Variants in KIRREL3 observed in about 807,000 individuals in gnomAD.
KIRREL3 encodes kirre like nephrin family adhesion molecule 3.
A neutral mutation model predicts 89.7 loss-of-function variants in KIRREL3; 36 were observed. The observed-to-expected ratio is 0.40, with a 90% CI of 0.31 to 0.53. The LOEUF (loss-of-function observed/expected upper bound fraction) is 0.53. Ranked by LOEUF, KIRREL3 falls within the 20% of genes least tolerant of loss-of-function variation. The probability of loss-of-function intolerance (pLI) is 0.49; values close to 1 mark genes in which losing one functional copy is unlikely to be tolerated. For synonymous variants in KIRREL3, 445 were observed against 441.4 expected (o/e 1.01, Z -0.10); for missense variants, 864 against 1,056.6 (o/e 0.82, Z 2.53).
At position 126,710,074 on chromosome 11, in the gene KIRREL3, A is replaced by C. The variant is rs137977623; in HGVS notation, c.56-147162T>G. On this transcript the variant is annotated intron_variant, in intron 1 of 16. Coordinates refer to ENST00000525144, the MANE Select transcript of KIRREL3 (RefSeq NM_032531.4). The surrounding 1 kb of genome is among the most constrained non-coding windows in gnomAD (Gnocchi z 4.2). ...GTGGAAAGAAATGTCCCTAGGAGAC[A>C]CACATAATGAGTATCAAGTCTGGCA... Among the ~76,000 whole-genome samples, 2 of 152,364 alleles carry C rather than the reference A, an allele frequency of 1.3e-5. No homozygotes were observed. The highest frequency in any genetic ancestry group is 2.9e-5 in the Non-Finnish European group (2 of 68,032).
chr11:126,904,377 T>A lies in KIRREL3; in HGVS notation c.55+96078A>T, dbSNP rs970455380. Among the ~76,000 whole-genome samples the A allele has an allele frequency of 6.6e-6, 1 of 152,242 alleles. No individual in the cohort carries two copies. Among genetic ancestry groups the A allele is most frequent in the African/African-American group, 2.4e-5 (1 of 41,462 alleles). On this transcript the variant is annotated intron_variant, in intron 1 of 16. Coordinates refer to ENST00000525144, the MANE Select transcript of KIRREL3 (RefSeq NM_032531.4). The surrounding 1 kb of genome is among the most constrained non-coding windows in gnomAD (Gnocchi z 4.4). ...CATTGCTAGTTAAATTGGGTCTTGA[T>A]GTTTACTGCATCTCTGACTGCAATA...
chr11:126,522,655 G>A lies in KIRREL3; in HGVS notation c.284-1191C>T, dbSNP rs1958633526. ...AAGTTGTGGCTGGCCACCTTAGGCA[G>A]ATCCTCTCTTTCCTGGGTCTCGGGC... On this transcript the variant is annotated intron_variant, in intron 3 of 16. Coordinates refer to ENST00000525144, the MANE Select transcript of KIRREL3 (RefSeq NM_032531.4). The surrounding 1 kb of genome is among the most constrained non-coding windows in gnomAD (Gnocchi z 6.0). Among the ~76,000 whole-genome samples, 1 of 152,218 alleles carries A rather than the reference G, an allele frequency of 6.6e-6. No individual in the cohort carries two copies. Among genetic ancestry groups the A allele is most frequent in the Non-Finnish European group, 1.5e-5 (1 of 68,042 alleles).
chr11:126,431,123 T>C lies in KIRREL3; in HGVS notation c.1696+296A>G, dbSNP rs1955111314. 7.1e-7 allele frequency: 1 copy of C among 1,414,106 alleles called. No homozygotes were observed. Among genetic ancestry groups the C allele is most frequent in the African/African-American group, 1.4e-5 (1 of 69,400 alleles). The allele number at this position is 1,414,106 out of a possible 1,614,324, so 87.6% of individuals were successfully genotyped here. ...AAACCACAAACCGCTTTTCCCCCTA[T>C]CTTTCTGTACAGTTCCTGACTGAAA... On this transcript the variant is annotated intron_variant, in intron 14 of 16. Coordinates refer to ENST00000525144, the MANE Select transcript of KIRREL3 (RefSeq NM_032531.4). The surrounding 1 kb of genome is among the most constrained non-coding windows in gnomAD (Gnocchi z 7.1).
rs763239904 is a variant in KIRREL3 at position 126,808,412 on chromosome 11, G to A, written c.55+192043C>T. On this transcript the variant is annotated intron_variant, in intron 1 of 16. Coordinates refer to ENST00000525144, the MANE Select transcript of KIRREL3 (RefSeq NM_032531.4). This position sits in a 1 kb window ranked among gnomAD's most constrained non-coding sequence, Gnocchi z 4.1. ...TCCCCCTCCCCTGCCCAATGTGGTG[G>A]GAGGGCTCTGCTAAGATGTAGAGCA... Among the ~76,000 whole-genome samples, 1 of 152,132 alleles carries A rather than the reference G, an allele frequency of 6.6e-6. No individual in the cohort carries two copies. The highest frequency in any genetic ancestry group is 1.5e-5 in the Non-Finnish European group (1 of 68,022).
rs2134566255 is a variant in KIRREL3, at chr11:126,558,100, A to C, written c.133+4735T>G. Among the ~76,000 whole-genome samples, 1 of 152,328 alleles carries C rather than the reference A, an allele frequency of 6.6e-6. No individual in the cohort carries two copies. Among genetic ancestry groups the C allele is most frequent in the Middle Eastern group, 3.4e-3 (1 of 294 alleles). ...ACCCACCCTGATGGGCAGCCCAAGAAGGCACCAGTGTGAGGGAGGAGTACC... is the reference window on the plus strand; with the variant it reads ...ACCCACCCTGATGGGCAGCCCAAGACGGCACCAGTGTGAGGGAGGAGTACC... On this transcript the variant is annotated intron_variant, in intron 2 of 16. Coordinates refer to ENST00000525144, the MANE Select transcript of KIRREL3 (RefSeq NM_032531.4). This position sits in a 1 kb window ranked among gnomAD's most constrained non-coding sequence, Gnocchi z 4.0.
intron 1 of KIRREL3, among the ~76,000 whole-genome samples, chr11:126,801,997 T>C (rs977879030): frequency 2.0e-4 from 30 of 152,158 alleles, no homozygotes; most frequent in African/African-American, 6.0e-4. Flanking sequence ...TTCACCTCAC[T>C]GTCTCCAAAC....
chr11:126,903,701 C>T lies in KIRREL3; in HGVS notation c.55+96754G>A, dbSNP rs1052470605. ...GAAGCTTGCAGTTGCAGGAGGCTGACAATGATGAAAATGAGATATGTTGGG... is the reference window on the plus strand; with the variant it reads ...GAAGCTTGCAGTTGCAGGAGGCTGATAATGATGAAAATGAGATATGTTGGG... On this transcript the variant is annotated intron_variant, in intron 1 of 16. Transcript: ENST00000525144. This position sits in a 1 kb window ranked among gnomAD's most constrained non-coding sequence, Gnocchi z 4.5. Among the ~76,000 whole-genome samples the T allele has an allele frequency of 6.6e-6, 1 of 152,124 alleles. No homozygotes were observed. The highest frequency in any genetic ancestry group is 1.5e-5 in the Non-Finnish European group (1 of 68,030).
At position 126,877,974 on chromosome 11, in the gene KIRREL3, C is replaced by G. The variant is rs907410329; in HGVS notation, c.55+122481G>C. Among the ~76,000 whole-genome samples the G allele has an allele frequency of 1.3e-5, 2 of 152,100 alleles. No homozygotes were observed. The highest frequency in any genetic ancestry group is 4.8e-5 in the African/African-American group (2 of 41,394). ...CTTCACCAATGATGGGACCTAGAAT[C>G]AAAGATATGGAGGTGACTCGTCCAA... On this transcript the variant is annotated intron_variant, in intron 1 of 16. Coordinates refer to ENST00000525144, the MANE Select transcript of KIRREL3 (RefSeq NM_032531.4). This position sits in a 1 kb window ranked among gnomAD's most constrained non-coding sequence, Gnocchi z 4.9.
At chr11:126,832,263 C>A (rs1029993005) in intron 1 of KIRREL3, among the ~76,000 whole-genome samples, 2 of 152,058 alleles carry the variant, frequency 1.3e-5, no homozygotes, top group Non-Finnish European at 2.9e-5. Flanking sequence ...GTTAAACGTG[C>A]ACACTGAGCG....
rs375439205 is a variant in KIRREL3, at chr11:126,627,852, C to G, written c.56-64940G>C. Among the ~76,000 whole-genome samples the G allele has an allele frequency of 2.7e-3, 407 of 152,236 alleles. 2 individuals carry two copies. Among genetic ancestry groups the G allele is most frequent in the African/African-American group, 9.5e-3 (394 of 41,540 alleles). On this transcript the variant is annotated intron_variant, in intron 1 of 16. Transcript: ENST00000525144. This position sits in a 1 kb window ranked among gnomAD's most constrained non-coding sequence, Gnocchi z 5.0. ...TGAGCACCATGAGCCTCTCTCTCTCCCATGTGTAGTGAGAGGATAGGTGGG... is the reference window on the plus strand; with the variant it reads ...TGAGCACCATGAGCCTCTCTCTCTCGCATGTGTAGTGAGAGGATAGGTGGG...
intron 1 of KIRREL3, among the ~76,000 whole-genome samples, chr11:126,842,686 C>T (rs1321960473): frequency 6.6e-6 from 1 of 152,188 alleles, no homozygotes; most frequent in Non-Finnish European, 1.5e-5. Context: ...ACCTCATTCC[C>T]ACTGCAGGTG....
chr11:126,483,103 C>G (rs1957265363), intron 4 of KIRREL3, among the ~76,000 whole-genome samples: 1 of 152,236 alleles, frequency 6.6e-6, no homozygotes. Flanking sequence ...ATGAGATCCT[C>G]ATTCCAGAGG....
chr11:126,840,725 G>C (rs1244893030), intron 1 of KIRREL3, among the ~76,000 whole-genome samples: 4 of 152,146 alleles, frequency 2.6e-5, no homozygotes, highest in African/African-American at 9.7e-5. Flanking sequence ...AATTTCTCCA[G>C]GCTGTCTATG....
intron 1 of KIRREL3, among the ~76,000 whole-genome samples, chr11:126,572,572 ACCCC>A (rs56397539): frequency 3.6e-5 from 5 of 139,842 alleles, no homozygotes; most frequent in Non-Finnish European, 6.2e-5. Flanking sequence ...GGAAGAGGGG[ACCCC>A]CCCCCCGCCA....
In KIRREL3 at chr11:126,446,875, T is replaced by C; in HGVS notation, c.1009A>G (p.Met337Val). The C allele has an allele frequency of 6.2e-7, 1 of 1,605,750 alleles. No individual in the cohort carries two copies. Among genetic ancestry groups the C allele is most frequent in the South Asian group, 1.1e-5 (1 of 89,092 alleles). ...RTVDVYFGPR[M>V]TTEPQSLLVD... is the part of the protein sequence containing the mutation. ...AGCAAGGATTGGGGTTCTGTGGTCA[T>C]CCGGGGCCCAACTGCGATGTGAGGA... is the stretch of plus-strand genomic sequence containing the variant. The change falls in exon 9 of 17, where the codon ATG (methionine) becomes GTG (valine). Residue 337 changes from methionine (M) to valine (V), a missense_variant. By Grantham distance (21) the Met-to-Val change is conservative. Coordinates refer to ENST00000525144, the MANE Select transcript of KIRREL3 (RefSeq NM_032531.4).
intron 1 of KIRREL3, among the ~76,000 whole-genome samples, chr11:126,691,602 A>T (rs532076576): frequency 3.6e-4 from 54 of 152,070 alleles, no homozygotes; most frequent in South Asian, 1.2e-3. Context: ...TTCTTTTTTT[A>T]AAAAAAATAT....
rs1290585986 is a variant in KIRREL3, at chr11:126,454,975, C to T, written c.848+1374G>A. Among the ~76,000 whole-genome samples the T allele has an allele frequency of 3.3e-5, 5 of 152,246 alleles. No homozygotes were observed. Among genetic ancestry groups the T allele is most frequent in the Non-Finnish European group, 2.9e-5 (2 of 68,034 alleles). On this transcript the variant is annotated intron_variant, in intron 7 of 16. Coordinates refer to ENST00000525144, the MANE Select transcript of KIRREL3 (RefSeq NM_032531.4). The surrounding 1 kb of genome is among the most constrained non-coding windows in gnomAD (Gnocchi z 5.8). ...ACGCACTCTGCAGGGAGCACCTCCT[C>T]ATGTCCAACCTGAATCCCTGGCTGT...
rs1304668735 is a variant in KIRREL3, at chr11:126,724,540, C to T, written c.56-161628G>A. Among the ~76,000 whole-genome samples the T allele has an allele frequency of 6.6e-6, 1 of 152,188 alleles. No homozygotes were observed. The highest frequency in any genetic ancestry group is 1.5e-5 in the Non-Finnish European group (1 of 68,034). On this transcript the variant is annotated intron_variant, in intron 1 of 16. Transcript: ENST00000525144. The surrounding 1 kb of genome is among the most constrained non-coding windows in gnomAD (Gnocchi z 4.3). The stretch of plus-strand genomic sequence containing the variant: ...GGACTGCCCTTGAGATGGGTGGGCT[C>T]CATGAATTTCCAGCTGAAGCAACAC...
rs936126315 is a variant in KIRREL3 at position 126,736,852 on chromosome 11, C to G, written c.56-173940G>C. On this transcript the variant is annotated intron_variant, in intron 1 of 16. Coordinates refer to ENST00000525144, the MANE Select transcript of KIRREL3 (RefSeq NM_032531.4). The surrounding 1 kb of genome is among the most constrained non-coding windows in gnomAD (Gnocchi z 5.0). ...TACATCCCCCACAGTCCTCCCCCAC[C>G]CTGTGCTGCCCAGGAAAAAGAGCTC... Among the ~76,000 whole-genome samples the G allele has an allele frequency of 2.6e-5, 4 of 152,296 alleles. No homozygotes were observed. The highest frequency in any genetic ancestry group is 5.9e-5 in the Non-Finnish European group (4 of 68,034).
Sources: allele counts gnomAD v4.1 joint callset (sites outside exome capture counted in the v4.1 genomes callset), GRCh38; gene constraint gnomAD v4.1.1; non-coding constraint Gnocchi (gnomAD v3.1); transcripts MANE v1.5; gene names NCBI Gene and HGNC (gene_info 2026-07-23, HGNC 2026-07-21).